The following UPF2 variants were observed in gnomAD, a reference collection of about 807,000 sequenced individuals.
The protein encoded by UPF2 is UPF2 regulator of nonsense mediated mRNA decay, also known as regulator of nonsense transcripts 2.
In UPF2, 17 loss-of-function variants were observed where a neutral mutation model predicts 141.4. That is an observed-to-expected ratio of 0.12 (90% confidence interval 0.08 to 0.18). The LOEUF (loss-of-function observed/expected upper bound fraction) is 0.18. Among genes scored for constraint, UPF2 ranks in the 10% least tolerant of loss-of-function variants. The probability of loss-of-function intolerance (pLI) is 1.00; values close to 1 mark genes in which losing one functional copy is unlikely to be tolerated. For synonymous variants in UPF2, 540 were observed against 498.0 expected (o/e 1.08, Z -1.12); for missense variants, 1,152 against 1,515.9 (o/e 0.76, Z 3.99).
chr10:11,999,698 A>G (rs1833923328), intron 7 of UPF2, among the ~76,000 whole-genome samples: 2 of 152,220 alleles, frequency 1.3e-5, no homozygotes, highest in African/African-American at 4.8e-5. Flanking sequence ...TGAACAGGAC[A>G]GGATGCTACA....
At chr10:11,945,910 A>C (rs1488502785) in intron 16 of UPF2, among the ~76,000 whole-genome samples, 1 of 152,152 alleles carries the variant, frequency 6.6e-6, no homozygotes, top group Non-Finnish European at 1.5e-5. Context: ...TAAAATACTT[A>C]ATGAGTCAAC....
intron 2 of UPF2, 43 bp downstream of exon 2, chr10:12,035,016 C>G (rs755455859): frequency 1.8e-5 from 27 of 1,511,226 alleles, no homozygotes; most frequent in Middle Eastern, 1.8e-4. Flanking sequence ...ATATTCCAAT[C>G]TTCCCATTCC....
intron 8 of UPF2, among the ~76,000 whole-genome samples, chr10:11,995,676 G>C (rs1393131418): frequency 6.6e-6 from 1 of 152,018 alleles, no homozygotes; most frequent in African/African-American, 2.4e-5. Context: ...CCAGCTACTC[G>C]GGAGGCTGAG....
Position 11,955,241 on chromosome 10 carries a change from T to C in UPF2, c.2841A>G (p.Val947=), listed in dbSNP as rs2131188339. Residue 947 remains valine (V), a synonymous_variant, in exon 14 of 22, where the codon GTA becomes GTG. Transcript: ENST00000357604. ...SSKRKLDCFL[V]YFQRYVWWKK... Reference sequence around the variant, plus strand: ...ATTTCAGCTTATATACCTGAAAATATACAAGGAAACAATCAAGTTTTCGTT... The same window carrying C: ...ATTTCAGCTTATATACCTGAAAATACACAAGGAAACAATCAAGTTTTCGTT... 2.5e-6 allele frequency: 4 copies of C among 1,588,634 alleles called. No individual in the cohort carries two copies. The highest frequency in any genetic ancestry group is 1.2e-5 in the South Asian group (1 of 86,896).
intron 5 of UPF2, among the ~76,000 whole-genome samples, chr10:12,004,073 T>G (rs1350073237): frequency 2.0e-5 from 3 of 151,832 alleles, no homozygotes; most frequent in African/African-American, 7.3e-5. Flanking sequence ...AGAAACACAA[T>G]GTAACCGGCA....
rs896745110 is a variant in UPF2 at position 11,992,694 on chromosome 10, T to C, written c.1844+4978A>G. On this transcript the variant is annotated intron_variant, in intron 8 of 21. Coordinates refer to ENST00000357604, the MANE Select transcript of UPF2 (RefSeq NM_015542.4). The surrounding 1 kb of genome is among the most constrained non-coding windows in gnomAD (Gnocchi z 4.1). ...TCATAAATAGCCTAAATTACTTTCA[T>C]TAAAAGAAACATACTTTCAGAATAT... 1.3e-5 allele frequency among the ~76,000 whole-genome samples: 2 copies of C among 152,150 alleles called. No homozygotes were observed. Among genetic ancestry groups the C allele is most frequent in the African/African-American group, 4.8e-5 (2 of 41,432 alleles).
Position 12,037,352 on chromosome 10 carries a change from G to T in UPF2, c.-18-1911C>A, listed in dbSNP as rs1834648572. ...CCACCTGGGCCTCCCAAAGTGCTGG[G>T]ATTACAGGTATGAGCCACTGTGTTT... On this transcript the variant is annotated intron_variant, in intron 1 of 21. Transcript: ENST00000357604. 2.0e-5 allele frequency among the ~76,000 whole-genome samples: 3 copies of T among 150,282 alleles called. No individual in the cohort carries two copies. In the South Asian group the frequency reaches 6.3e-4, roughly 32 times the overall value.
At chr10:12,034,093 T>C (rs1354719173) in intron 2 of UPF2, among the ~76,000 whole-genome samples, 1 of 152,226 alleles carries the variant, frequency 6.6e-6, no homozygotes, top group African/African-American at 2.4e-5. Context: ...ACAGCTCTAC[T>C]ATTTGCTGTG....
Position 12,014,567 on chromosome 10 carries a change from A to G in UPF2, c.1146-383T>C, listed in dbSNP as rs748220272. On this transcript the variant is annotated intron_variant, in intron 3 of 21. Coordinates refer to ENST00000357604, the MANE Select transcript of UPF2 (RefSeq NM_015542.4). The surrounding 1 kb of genome is among the most constrained non-coding windows in gnomAD (Gnocchi z 5.0). Reference sequence around the variant, plus strand: ...AAGAAACAGGTTATACAAAGAATCAATTATTCTTAAACCTCCATGATTTGA... The same window carrying G: ...AAGAAACAGGTTATACAAAGAATCAGTTATTCTTAAACCTCCATGATTTGA... Among the ~76,000 whole-genome samples, 6 of 152,258 alleles carry G rather than the reference A, an allele frequency of 3.9e-5. No individual in the cohort carries two copies. The highest frequency in any genetic ancestry group is 8.8e-5 in the Non-Finnish European group (6 of 68,046).
At chr10:12,034,706 G>A (rs1046506950) in intron 2 of UPF2, among the ~76,000 whole-genome samples, 1 of 152,092 alleles carries the variant, frequency 6.6e-6, no homozygotes, top group African/African-American at 2.4e-5. Flanking sequence ...TCGGGAGGCT[G>A]AGGCAGGAGA....
intron 8 of UPF2, among the ~76,000 whole-genome samples, chr10:11,989,803 G>A (rs1833750080): frequency 1.3e-5 from 2 of 152,016 alleles, no homozygotes; most frequent in South Asian, 2.1e-4. Context: ...CCCATGCCAC[G>A]GCCACCTAGA....
At chr10:12,005,108 ATTT>A (rs5783240) in intron 4 of UPF2, among the ~76,000 whole-genome samples, 4 of 145,440 alleles carry the variant, frequency 2.8e-5, no homozygotes, top group Non-Finnish European at 4.5e-5. Flanking sequence ...CCCCATGAGT[ATTT>A]TTTTTTTTTT....
At chr10:12,005,326 G>C (rs952424369) in intron 4 of UPF2, among the ~76,000 whole-genome samples, 21 of 152,132 alleles carry the variant, frequency 1.4e-4, no homozygotes, top group Non-Finnish European at 4.4e-5. Flanking sequence ...CAAAGTTTGA[G>C]GACAGCCTCC....
rs140354053 is a variant in UPF2, at chr10:11,936,242, C to T, written c.3546+303G>A. 0.046 allele frequency among the ~76,000 whole-genome samples: 6,996 copies of T among 151,946 alleles called. 207 individuals are homozygous for T. The highest frequency in any genetic ancestry group is 0.071 in the Middle Eastern group (21 of 294). On this transcript the variant is annotated intron_variant, in intron 19 of 21. Transcript: ENST00000357604. The surrounding 1 kb of genome is among the most constrained non-coding windows in gnomAD (Gnocchi z 6.6). Reference sequence around the variant, plus strand: ...AAAATTAGCCGGGCGTCATGGTGGACGCCTGTAATCCCAGCTACTCAGGAG... The same window carrying T: ...AAAATTAGCCGGGCGTCATGGTGGATGCCTGTAATCCCAGCTACTCAGGAG...
At chr10:11,977,879 T>C (rs1271778245) in intron 9 of UPF2, among the ~76,000 whole-genome samples, 2 of 152,192 alleles carry the variant, frequency 1.3e-5, no homozygotes, top group Non-Finnish European at 2.9e-5. Flanking sequence ...CCAACCTCTC[T>C]AAACATAGAA....
In UPF2 at chr10:11,936,704, A is replaced by G; in HGVS notation, c.3387T>C (p.Ser1129=). ...GTTGGTGCACTTTAACAGATTCACCACTTCGTTGCTAAAAGAAATTAAAAA... is the reference window on the plus strand; with the variant it reads ...GTTGGTGCACTTTAACAGATTCACCGCTTCGTTGCTAAAAGAAATTAAAAA... ...KMMLENLQQR[S]GESVKVHQLD... Residue 1129 remains serine (S), a synonymous_variant, in exon 19 of 22, where the codon AGT becomes AGC. Transcript: ENST00000357604. This position sits in a 1 kb window ranked among gnomAD's most constrained non-coding sequence, Gnocchi z 6.6. The G allele has an allele frequency of 6.2e-7, 1 of 1,603,188 alleles. No individual in the cohort carries two copies. The highest frequency in any genetic ancestry group is 8.5e-7 in the Non-Finnish European group (1 of 1,175,664).
chr10:11,971,646 A>C (rs919245752), intron 9 of UPF2, among the ~76,000 whole-genome samples: 1 of 152,254 alleles, frequency 6.6e-6, no homozygotes, highest in Non-Finnish European at 1.5e-5. Context: ...TTTATAGCTC[A>C]ATAATGCCTC....
rs918985120 is a variant in UPF2, at chr10:11,998,845, C to A, written c.1758+1061G>T. 6.6e-6 allele frequency among the ~76,000 whole-genome samples: 1 copy of A among 151,898 alleles called. No individual in the cohort carries two copies. Among genetic ancestry groups the A allele is most frequent in the South Asian group, 2.1e-4 (1 of 4,804 alleles). Reference sequence around the variant, plus strand: ...CTCCAGCCTGGGCAACAGAGCAAGACTCCGTCTCAAAAAAATAAAAAATAA... The same window carrying A: ...CTCCAGCCTGGGCAACAGAGCAAGAATCCGTCTCAAAAAAATAAAAAATAA... On this transcript the variant is annotated intron_variant, in intron 7 of 21. Transcript: ENST00000357604. The surrounding 1 kb of genome is among the most constrained non-coding windows in gnomAD (Gnocchi z 4.5).
In UPF2 at chr10:11,980,013, G is replaced by A. The variant is rs1365406250; in HGVS notation, c.1845-848C>T. 6.6e-6 allele frequency among the ~76,000 whole-genome samples: 1 copy of A among 152,134 alleles called. No individual in the cohort carries two copies. The highest frequency in any genetic ancestry group is 1.5e-5 in the Non-Finnish European group (1 of 68,032). ...AATTTATGTATTTCAACTCATTACAGAACCCACTCAGATCTTCATTCAGGA... is the reference window on the plus strand; with the variant it reads ...AATTTATGTATTTCAACTCATTACAAAACCCACTCAGATCTTCATTCAGGA... On this transcript the variant is annotated intron_variant, in intron 8 of 21. Coordinates refer to ENST00000357604, the MANE Select transcript of UPF2 (RefSeq NM_015542.4). The surrounding 1 kb of genome is among the most constrained non-coding windows in gnomAD (Gnocchi z 4.2).
Sources: gnomAD v4.1 joint callset for allele counts (sites outside exome capture counted in the v4.1 genomes callset) on GRCh38, gnomAD v4.1.1 for gene constraint, Gnocchi (gnomAD v3.1) non-coding constraint, MANE v1.5 for transcripts, NCBI Gene and HGNC (gene_info 2026-07-23, HGNC 2026-07-21) for gene names.